The following MAPK4 variants were observed in gnomAD, a reference collection of about 807,000 sequenced individuals.
MAPK4 encodes the protein mitogen-activated protein kinase 4.
A neutral mutation model predicts 47.7 loss-of-function variants in MAPK4; 22 were observed. The observed-to-expected ratio is 0.46, with a 90% CI of 0.33 to 0.66. MAPK4 has a LOEUF of 0.66. MAPK4 is among the 30% of genes least tolerant of loss of function. MAPK4 has a pLI of 0.02. For missense variants in MAPK4, 736 were observed against 831.7 expected (o/e 0.88, Z 1.42); for synonymous variants, 390 against 365.7 (o/e 1.07, Z -0.76).
Position 50,715,174 on chromosome 18 carries a change from C to T in MAPK4, c.642C>T (p.Ala214=), listed in dbSNP as rs568288007. ...NNYTKAIDMW[A]AGCILAEMLT... Reference sequence around the variant, plus strand: ...ACACCAAAGCCATCGACATGTGGGCCGCCGGCTGCATCCTGGCTGAGATGC... The same window carrying T: ...ACACCAAAGCCATCGACATGTGGGCTGCCGGCTGCATCCTGGCTGAGATGC... Residue 214 remains alanine, a synonymous_variant, in exon 3 of 6, where the codon GCC becomes GCT. Coordinates refer to ENST00000400384, the MANE Select transcript of MAPK4 (RefSeq NM_002747.4). The T allele has an allele frequency of 3.3e-5, 53 of 1,614,164 alleles. 1 individual carries two copies. The highest frequency in any genetic ancestry group is 3.2e-4 in the South Asian group (29 of 91,076).
intron 1 of MAPK4, among the ~76,000 whole-genome samples, chr18:50,625,395 T>C (rs1422494522): frequency 2.0e-5 from 3 of 152,304 alleles, no homozygotes; most frequent in South Asian, 4.1e-4. Flanking sequence ...ATTTTTCTCC[T>C]TTGCTGGGTC....
chr18:50,704,175 C>A (rs1221052509), intron 2 of MAPK4, among the ~76,000 whole-genome samples: 1 of 152,168 alleles, frequency 6.6e-6, no homozygotes, highest in Non-Finnish European at 1.5e-5. Context: ...ATCTGTCACG[C>A]CCTCCAGACC....
Position 50,722,112 on chromosome 18 carries a change from G to T in MAPK4, c.853+13G>T, listed in dbSNP as rs776677908. On this transcript the variant is annotated intron_variant, in intron 4 of 5. Coordinates refer to ENST00000400384, the MANE Select transcript of MAPK4 (RefSeq NM_002747.4). ...GTGAACAGTGAAGGTACCTGAGCCTGGCAGCCAGGCCAAGTGTCCTGGGAG... is the reference window on the plus strand; with the variant it reads ...GTGAACAGTGAAGGTACCTGAGCCTTGCAGCCAGGCCAAGTGTCCTGGGAG... 6.2e-7 allele frequency: 1 copy of T among 1,606,898 alleles called. No individual in the cohort carries two copies. Among genetic ancestry groups the T allele is most frequent in the South Asian group, 1.1e-5 (1 of 89,970 alleles).
At chr18:50,722,417 T>C (rs113317815) in intron 4 of MAPK4, among the ~76,000 whole-genome samples, 3 of 152,188 alleles carry the variant, frequency 2.0e-5, no homozygotes, top group Non-Finnish European at 4.4e-5. Flanking sequence ...AGGCTTGGTG[T>C]GCTGCAAAGA....
chr18:50,720,762 G>A (rs1242459212), intron 3 of MAPK4, among the ~76,000 whole-genome samples: 2 of 152,182 alleles, frequency 1.3e-5, no homozygotes. Flanking sequence ...ACCCCACAGG[G>A]GGCTTCCAGA....
chr18:50,658,172 A>G lies in MAPK4; in HGVS notation c.-870-4917A>G, dbSNP rs149546592. 6.2e-3 allele frequency among the ~76,000 whole-genome samples: 944 copies of G among 152,262 alleles called. 5 individuals are homozygous for G. Among genetic ancestry groups the G allele is most frequent in the African/African-American group, 0.021 (868 of 41,542 alleles). On this transcript the variant is annotated intron_variant, in intron 1 of 5. Transcript: ENST00000400384. The stretch of plus-strand genomic sequence containing the variant: ...TATTTCTTGGTTTCTCTTTCCATAG[A>G]ATGGGCTTACTGTGGCCTCCATACT...
intron 1 of MAPK4, among the ~76,000 whole-genome samples, chr18:50,596,507 A>G (rs1263770712): frequency 6.6e-6 from 1 of 152,204 alleles, no homozygotes; most frequent in Non-Finnish European, 1.5e-5. Context: ...TGAAGGAACA[A>G]CACTGGGTTC....
intron 2 of MAPK4, among the ~76,000 whole-genome samples, chr18:50,692,547 C>T (rs1231923153): frequency 6.6e-6 from 1 of 152,140 alleles, no homozygotes; most frequent in Non-Finnish European, 1.5e-5. Context: ...AAAAAGGAAA[C>T]AACAGTGTTG....
intron 1 of MAPK4, among the ~76,000 whole-genome samples, chr18:50,648,579 G>A (rs1197266525): frequency 6.6e-6 from 1 of 152,186 alleles, no homozygotes; most frequent in Non-Finnish European, 1.5e-5. Flanking sequence ...ATTCATTGAG[G>A]GATGCCACAG....
intron 1 of MAPK4, among the ~76,000 whole-genome samples, chr18:50,611,083 G>A (rs2042628992): frequency 6.6e-6 from 1 of 152,160 alleles, no homozygotes; most frequent in Admixed American, 6.5e-5. Flanking sequence ...TGAACTGACA[G>A]TCTTCTTACA....
intron 1 of MAPK4, among the ~76,000 whole-genome samples, chr18:50,662,072 C>CTTCATTTATCTTTGCAGAGTTGT (rs1394780909): frequency 1.3e-5 from 2 of 152,156 alleles, no homozygotes; most frequent in Admixed American, 6.5e-5. Context: ...ATCGTTTTTG[C>CTTCATTTATCTTTGCAGAGTTGT]TTCATTTATC....
intron 2 of MAPK4, among the ~76,000 whole-genome samples, chr18:50,671,889 C>CAA (rs745534670): frequency 0.05 from 5,249 of 104,098 alleles, 249 homozygotes; most frequent in African/African-American, 0.14. Flanking sequence ...GACCCTGACT[C>CAA]AAAAAAAAAA....
intron 1 of MAPK4, among the ~76,000 whole-genome samples, chr18:50,578,791 T>G (rs147931563): frequency 1.3e-5 from 2 of 152,308 alleles, no homozygotes; most frequent in East Asian, 3.9e-4. Flanking sequence ...GCTCCCATAA[T>G]GCTCTGTAGA....
intron 1 of MAPK4, among the ~76,000 whole-genome samples, chr18:50,569,101 T>C (rs564040565): frequency 5.7e-4 from 87 of 152,370 alleles, no homozygotes; most frequent in African/African-American, 2.0e-3. Flanking sequence ...TTCATATTTA[T>C]GTTGTCATGT....
At chr18:50,698,758 G>T (rs1013940887) in intron 2 of MAPK4, among the ~76,000 whole-genome samples, 2 of 152,164 alleles carry the variant, frequency 1.3e-5, no homozygotes, top group African/African-American at 4.8e-5. Context: ...AGCCAAGCAC[G>T]GTGGCTCACA....
chr18:50,589,440 C>T (rs1197397924), intron 1 of MAPK4, among the ~76,000 whole-genome samples: 1 of 151,774 alleles, frequency 6.6e-6, no homozygotes, highest in African/African-American at 2.4e-5. Context: ...ACTAAAAATA[C>T]AAAAAATTAG....
At chr18:50,666,885 G>T (rs570853912) in intron 2 of MAPK4, among the ~76,000 whole-genome samples, 4 of 151,902 alleles carry the variant, frequency 2.6e-5, no homozygotes, top group African/African-American at 9.7e-5. Flanking sequence ...TTTATCCAAT[G>T]TGCATTTAAA....
chr18:50,724,644 T>G (rs765767963), intron 4 of MAPK4, among the ~76,000 whole-genome samples: 1 of 152,192 alleles, frequency 6.6e-6, no homozygotes, highest in African/African-American at 2.4e-5. Context: ...CTTAACTAAT[T>G]TGGGGGTCTA....
intron 2 of MAPK4, among the ~76,000 whole-genome samples, chr18:50,693,448 A>G (rs1183200353): frequency 6.6e-6 from 1 of 152,192 alleles, no homozygotes; most frequent in Non-Finnish European, 1.5e-5. Context: ...ACAGTCTGAC[A>G]AAGAGACAGA....
Sources: allele counts gnomAD v4.1 joint callset (sites outside exome capture counted in the v4.1 genomes callset), GRCh38; gene constraint gnomAD v4.1.1; transcripts MANE v1.5; gene names NCBI Gene and HGNC (gene_info 2026-07-23, HGNC 2026-07-21).